The following CCDC144A variants were observed in gnomAD, a reference collection of about 807,000 sequenced individuals.
The protein encoded by CCDC144A is coiled-coil domain-containing protein 144A.
In CCDC144A, 41 loss-of-function variants were observed where a neutral mutation model predicts 143.8. The ratio of observed to expected loss-of-function variants is 0.29; its 90% CI spans 0.22 to 0.37. The LOEUF is 0.37. CCDC144A is among the 10% of genes least tolerant of loss of function. The pLI, the probability that CCDC144A is intolerant of heterozygous loss-of-function variation, is 1.00. For synonymous variants in CCDC144A, 242 were observed against 517.9 expected (o/e 0.47, Z 7.23); for missense variants, 637 against 1,488.8 (o/e 0.43, Z 9.41).
intron 12 of CCDC144A, among the ~76,000 whole-genome samples, chr17:16,740,560 AAGATG>A (rs1210762935): frequency 6.6e-6 from 1 of 152,246 alleles, no homozygotes; most frequent in Non-Finnish European, 1.5e-5. Context: ...ATACAACATA[AAGATG>A]AGATGCTCTT....
upstream of CCDC144A, among the ~76,000 whole-genome samples, chr17:16,689,383 A>G (rs1910910118): frequency 6.6e-6 from 1 of 152,046 alleles, no homozygotes; most frequent in Non-Finnish European, 1.5e-5. Flanking sequence ...TTTAGTAGAG[A>G]GGGTTTCACC....
chr17:16,694,901 T>G (rs1178810021), intron 2 of CCDC144A, among the ~76,000 whole-genome samples: 4 of 152,258 alleles, frequency 2.6e-5, no homozygotes, highest in African/African-American at 9.6e-5. Flanking sequence ...TCACAATAAA[T>G]ATTCAAATAG....
chr17:16,694,208 G>T (rs1199799317), intron 2 of CCDC144A, among the ~76,000 whole-genome samples: 4 of 151,604 alleles, frequency 2.6e-5, no homozygotes, highest in African/African-American at 9.7e-5. Context: ...ATAGTGATTT[G>T]TGTCACTAAA....
intron 5 of CCDC144A, among the ~76,000 whole-genome samples, chr17:16,710,821 G>A (rs556829136): frequency 1.3e-5 from 2 of 152,224 alleles, no homozygotes; most frequent in East Asian, 3.9e-4. Flanking sequence ...GAATTTGTCT[G>A]ATTCAGTATT....
At chr17:16,750,020 C>T (rs1234816816) in intron 12 of CCDC144A, among the ~76,000 whole-genome samples, 1 of 152,136 alleles carries the variant, frequency 6.6e-6, no homozygotes, top group Non-Finnish European at 1.5e-5. Flanking sequence ...ACTGTTGATT[C>T]TTATTGGTTT....
At chr17:16,746,125 C>G (rs1241305791) in intron 12 of CCDC144A, 2 of 1,587,880 alleles carry the variant, frequency 1.3e-6, no homozygotes, top group Non-Finnish European at 1.7e-6. Flanking sequence ...GCACAGGATT[C>G]CTGCTTGCCA....
At chr17:16,743,896 C>T (rs142090234) in intron 12 of CCDC144A, among the ~76,000 whole-genome samples, 134 of 152,320 alleles carry the variant, frequency 8.8e-4, no homozygotes, top group African/African-American at 2.9e-3. Flanking sequence ...CCATGTGTAC[C>T]CAATGTTTAG....
intron 16 of CCDC144A, among the ~76,000 whole-genome samples, chr17:16,772,375 A>T (rs550322334): frequency 6.6e-6 from 1 of 152,108 alleles, no homozygotes; most frequent in South Asian, 2.1e-4. Flanking sequence ...AAAACATCCC[A>T]GTCTCATCTA....
At chr17:16,757,285 CT>C (rs1915136383) in intron 12 of CCDC144A, among the ~76,000 whole-genome samples, 2 of 152,238 alleles carry the variant, frequency 1.3e-5, no homozygotes, top group African/African-American at 4.8e-5. Flanking sequence ...CTCTGGCCCC[CT>C]ATGAGGAACA....
chr17:16,712,499 T>C (rs1490182419), intron 6 of CCDC144A, among the ~76,000 whole-genome samples: 2 of 152,148 alleles, frequency 1.3e-5, no homozygotes, highest in Non-Finnish European at 2.9e-5. Context: ...CAGGAAAATA[T>C]GACTTGTGTA....
intron 14 of CCDC144A, among the ~76,000 whole-genome samples, chr17:16,763,213 C>A (rs1915453844): frequency 6.6e-6 from 1 of 151,634 alleles, no homozygotes; most frequent in South Asian, 2.1e-4. Context: ...AGGGCAGGCC[C>A]CACCTCTGAT....
At position 16,720,221 on chromosome 17, in the gene CCDC144A, A is replaced by T; in HGVS notation, c.1739A>T (p.Glu580Val). The change falls in exon 7 of 17, where the codon GAA becomes GTA. Residue 580 changes from glutamate (E) to valine (V), a missense_variant. Glu to Val is a moderately radical substitution (Grantham distance 121). Transcript: ENST00000399273. Reference sequence around the variant, plus strand: ...AGGCCTGCAGATAAAACATCTAATGAAAAGAACGAGGTATTGTAAAAAAGG... The same window carrying T: ...AGGCCTGCAGATAAAACATCTAATGTAAAGAACGAGGTATTGTAAAAAAGG... ...HDRPADKTSN[E>V]KNEVKNQIYP... The T allele has an allele frequency of 6.6e-7, 1 of 1,521,530 alleles. No individual in the cohort carries two copies. The highest frequency in any genetic ancestry group is 8.8e-7 in the Non-Finnish European group (1 of 1,138,008). 94.3% of individuals were successfully genotyped at this position (1,521,530 alleles called of 1,614,324 possible). A position where few individuals can be genotyped will look rare whatever the true frequency, so the allele number is the denominator to read the frequency against.
chr17:16,744,235 T>G (rs1336059316), intron 12 of CCDC144A, among the ~76,000 whole-genome samples: 2 of 152,188 alleles, frequency 1.3e-5, no homozygotes, highest in East Asian at 3.9e-4. Flanking sequence ...TGAATGGCAG[T>G]TCTACTTTTA....
chr17:16,738,875 T>G (rs191659630), intron 12 of CCDC144A, among the ~76,000 whole-genome samples: 23 of 152,182 alleles, frequency 1.5e-4, no homozygotes, highest in Non-Finnish European at 1.5e-4. Flanking sequence ...CCAGTCTGCT[T>G]TCCAAAGTGG....
chr17:16,753,458 T>G (rs2621514), intron 12 of CCDC144A, among the ~76,000 whole-genome samples: 1 of 124,012 alleles, frequency 8.1e-6, no homozygotes, highest in Non-Finnish European at 1.8e-5. Flanking sequence ...TTTTTTTTTG[T>G]AAAGCTCTTT....
intron 12 of CCDC144A, among the ~76,000 whole-genome samples, chr17:16,749,268 C>T (rs1298187501): frequency 2.0e-5 from 3 of 152,074 alleles, no homozygotes; most frequent in Non-Finnish European, 2.9e-5. Context: ...TTCGCTGTAT[C>T]CCAGAAGTTT....
At chr17:16,672,132 T>C in the CCDC144A span, among the ~76,000 whole-genome samples, 1 of 152,120 alleles carries the variant, frequency 6.6e-6, no homozygotes, top group Non-Finnish European at 1.5e-5. Flanking sequence ...AGAGAAAGTA[T>C]TGCTGCCTCC....
chr17:16,705,158 T>A lies in CCDC144A; in HGVS notation c.423T>A (p.His141Gln), dbSNP rs1231440163. 4.5e-6 allele frequency: 5 copies of A among 1,104,764 alleles called. No homozygotes were observed. Among genetic ancestry groups the A allele is most frequent in the Non-Finnish European group, 5.5e-6 (4 of 725,826 alleles). The allele number at this position is 1,104,764 out of a possible 1,614,324, so 68.4% of individuals were successfully genotyped here. Residue 141 changes from histidine to glutamine, a missense_variant, in exon 3 of 17, where the codon CAT (histidine) becomes CAA (glutamine). His to Gln is a conservative substitution (Grantham distance 24). Transcript: ENST00000399273. The stretch of plus-strand genomic sequence containing the variant: ...CATTTTCGGATTTTTCAGATTGGCA[T>A]CCTACTAATTTGACCCTTAGTGATG... Reference protein sequence around the residue: ...SLPQNNNPDWHPTNLTLSDET... With the variant: ...SLPQNNNPDWQPTNLTLSDET...
At chr17:16,770,228 C>T (rs1416726541) in intron 15 of CCDC144A, among the ~76,000 whole-genome samples, 1 of 152,136 alleles carries the variant, frequency 6.6e-6, no homozygotes, top group Non-Finnish European at 1.5e-5. Context: ...CAGCTCACTG[C>T]AAGCTCCGCC....
Sources: allele counts gnomAD v4.1 joint callset (sites outside exome capture counted in the v4.1 genomes callset), GRCh38; gene constraint gnomAD v4.1.1; transcripts MANE v1.5; gene names NCBI Gene and HGNC (gene_info 2026-07-23, HGNC 2026-07-21).